PPP2R5A: variants seen among roughly 807,000 people sequenced by gnomAD.
PPP2R5A encodes protein phosphatase 2 regulatory subunit B'alpha, also known as serine/threonine-protein phosphatase 2A 56 kDa regulatory subunit alpha isoform.
A neutral mutation model predicts 64.2 loss-of-function variants in PPP2R5A; 25 were observed. The ratio of observed to expected loss-of-function variants is 0.39; its 90% CI spans 0.28 to 0.54. The LOEUF (loss-of-function observed/expected upper bound fraction) is 0.54. PPP2R5A is among the 20% of genes least tolerant of loss of function. The pLI, the probability that PPP2R5A is intolerant of heterozygous loss-of-function variation, is 0.67. For missense variants in PPP2R5A, 425 were observed against 576.3 expected, an observed-to-expected ratio of 0.74 and a Z score of 2.69; for synonymous variants, 198 against 201.2, an observed-to-expected ratio of 0.98 and a Z score of 0.13.
chr1:212,308,325 T>C (rs367874346), intron 1 of PPP2R5A, among the ~76,000 whole-genome samples: 130 of 152,234 alleles, frequency 8.5e-4, no homozygotes, highest in African/African-American at 3.0e-3. Flanking sequence ...TTTACTGTGA[T>C]GTTTATTTGT....
At chr1:212,352,928 C>T (rs1176624318) in intron 8 of PPP2R5A, 1 of 518,892 alleles carries the variant, frequency 1.9e-6, no homozygotes, top group South Asian at 1.4e-5. Flanking sequence ...AACTGATCTG[C>T]AAGATTTTGG....
At chr1:212,338,765 C>T (rs954320427) in intron 3 of PPP2R5A, among the ~76,000 whole-genome samples, 21 of 149,268 alleles carry the variant, frequency 1.4e-4, no homozygotes, top group African/African-American at 4.5e-4. Context: ...CCAGCCTGGG[C>T]GACAAAGCAA....
At chr1:212,347,311 G>T in intron 5 of PPP2R5A, 36 bp from the exon 6 acceptor site, 2 of 1,446,694 alleles carry the variant, frequency 1.4e-6, no homozygotes, top group South Asian at 1.2e-5. Context: ...TCTGAAGTTT[G>T]ATTTTGATTA....
chr1:212,356,154 G>A (rs2102450180), intron 8 of PPP2R5A, among the ~76,000 whole-genome samples: 1 of 152,240 alleles, frequency 6.6e-6, no homozygotes, highest in East Asian at 1.9e-4. Flanking sequence ...CTGAGAAGCT[G>A]TCCAGGGTTT....
intron 1 of PPP2R5A, among the ~76,000 whole-genome samples, chr1:212,301,250 A>G (rs1658795501): frequency 6.6e-6 from 1 of 152,154 alleles, no homozygotes; most frequent in Non-Finnish European, 1.5e-5. Flanking sequence ...GCCTCAAGTG[A>G]TCTGCCCACC....
At chr1:212,324,003 C>T (rs916910999) in intron 1 of PPP2R5A, among the ~76,000 whole-genome samples, 38 of 150,960 alleles carry the variant, frequency 2.5e-4, no homozygotes, top group Middle Eastern at 3.4e-3. Context: ...ACCTGGGAGG[C>T]GGAGTTTGCA....
intron 1 of PPP2R5A, among the ~76,000 whole-genome samples, chr1:212,327,666 A>G (rs534469326): frequency 1.3e-5 from 2 of 152,222 alleles, no homozygotes; most frequent in East Asian, 3.9e-4. Context: ...CGCCTGCCTC[A>G]GCCTTCCAAA....
intron 7 of PPP2R5A, among the ~76,000 whole-genome samples, chr1:212,348,941 G>A (rs1249730592): frequency 6.6e-6 from 1 of 152,086 alleles, no homozygotes; most frequent in Non-Finnish European, 1.5e-5. Flanking sequence ...TAACTTTATA[G>A]TCAGAAATTA....
At chr1:212,350,395 T>C (rs1475212211) in intron 8 of PPP2R5A, among the ~76,000 whole-genome samples, 1 of 152,200 alleles carries the variant, frequency 6.6e-6, no homozygotes, top group Non-Finnish European at 1.5e-5. Flanking sequence ...GGCTCACAAC[T>C]GTAATCCCAG....
intron 1 of PPP2R5A, among the ~76,000 whole-genome samples, chr1:212,293,046 A>G (rs931429554): frequency 6.6e-6 from 1 of 152,238 alleles, no homozygotes; most frequent in African/African-American, 2.4e-5. Flanking sequence ...CCATGGCTTC[A>G]GGATGCTAAA....
At chr1:212,358,813 T>G in intron 12 of PPP2R5A, 26 bp downstream of exon 12, 1 of 1,553,736 alleles carries the variant, frequency 6.4e-7, no homozygotes, top group Non-Finnish European at 8.9e-7. Flanking sequence ...AATTACAAAA[T>G]TATCTATACA....
chr1:212,341,780 G>C (rs1659689589), intron 3 of PPP2R5A, among the ~76,000 whole-genome samples: 1 of 151,980 alleles, frequency 6.6e-6, no homozygotes, highest in South Asian at 2.1e-4. Context: ...TGTTGCCCAG[G>C]CTGGAGTGCA....
Position 212,320,726 on chromosome 1 carries a change from G to A in PPP2R5A, c.182-8409G>A, listed in dbSNP as rs1659263459. Among the ~76,000 whole-genome samples the A allele has an allele frequency of 4.1e-5, 5 of 122,894 alleles. No individual in the cohort carries two copies. In the South Asian group the frequency reaches 1.1e-3, roughly 26 times the overall value. The allele number at this position is 122,894 out of a possible 152,430, so 80.6% of individuals were successfully genotyped here. ...CCTCCCGGATGGGGCGGCTGGCCGG[G>A]CAGAGGGGCTCCTCTCTTCCCAGTA... On this transcript the variant is annotated intron_variant, in intron 1 of 12. Transcript: ENST00000261461.
At chr1:212,345,976 A>G (rs1296243301) in intron 5 of PPP2R5A, 43 bp downstream of exon 5, 13 of 1,513,936 alleles carry the variant, frequency 8.6e-6, no homozygotes, top group South Asian at 2.4e-5. Context: ...TTCCTCCTAC[A>G]TATCTTCTTG....
chr1:212,352,274 C>G (rs1659899782), intron 8 of PPP2R5A, among the ~76,000 whole-genome samples: 1 of 151,874 alleles, frequency 6.6e-6, no homozygotes, highest in Non-Finnish European at 1.5e-5. Flanking sequence ...GGCAGTGTGC[C>G]TTCCTTGGCC....
chr1:212,332,063 G>A (rs538902011), intron 2 of PPP2R5A, among the ~76,000 whole-genome samples: 2 of 152,094 alleles, frequency 1.3e-5, no homozygotes, highest in South Asian at 2.1e-4. Context: ...CAAATTCTAC[G>A]CTCTTGTGAG....
chr1:212,327,588 T>C (rs1171877226), intron 1 of PPP2R5A, among the ~76,000 whole-genome samples: 2 of 151,822 alleles, frequency 1.3e-5, no homozygotes, highest in East Asian at 3.9e-4. Flanking sequence ...CTAATTTTTG[T>C]ATTTTTAGTA....
At chr1:212,340,086 G>A (rs952727404) in intron 3 of PPP2R5A, among the ~76,000 whole-genome samples, 2 of 151,076 alleles carry the variant, frequency 1.3e-5, no homozygotes, top group Non-Finnish European at 2.9e-5. Context: ...TTGAGCCTGG[G>A]AGTTCGAGAC....
intron 2 of PPP2R5A, among the ~76,000 whole-genome samples, chr1:212,333,118 G>T (rs1659533053): frequency 6.6e-6 from 1 of 152,022 alleles, no homozygotes; most frequent in African/African-American, 2.4e-5. Context: ...GCCCAGGCTG[G>T]TCTTGAACTC....
Sources: gnomAD v4.1 joint callset for allele counts (sites outside exome capture counted in the v4.1 genomes callset) on GRCh38, gnomAD v4.1.1 for gene constraint, MANE v1.5 for transcripts, NCBI Gene and HGNC (gene_info 2026-07-23, HGNC 2026-07-21) for gene names.